The following SRSF2 variants were observed in gnomAD, a reference collection of about 807,000 sequenced individuals.
SRSF2 encodes the protein serine/arginine-rich splicing factor 2.
A neutral mutation model predicts 15.7 loss-of-function variants in SRSF2; 4 were observed. That is an observed-to-expected ratio of 0.26 (90% confidence interval 0.13 to 0.58). SRSF2 has a LOEUF of 0.58. Ranked by LOEUF, SRSF2 falls within the 20% of genes least tolerant of loss-of-function variation. The pLI, the probability that SRSF2 is intolerant of heterozygous loss-of-function variation, is 0.90. For missense variants in SRSF2, 147 were observed against 332.4 expected, an observed-to-expected ratio of 0.44 and a Z score of 4.34; for synonymous variants, 192 against 138.9, an observed-to-expected ratio of 1.38 and a Z score of -2.69.
In SRSF2 at chr17:76,734,421, C is replaced by CT. The variant is rs1223696389; in HGVS notation, c.*744dup. On this transcript the variant is annotated 3_prime_UTR_variant, in exon 3 of 3. Transcript: ENST00000359995. ...TGCAGTTGTCAGGCATTTTAATAAA[C>CT]TGGACAGCCATTTGTTTCTGCACGA... 1 of 243,176 alleles carries CT rather than the reference C, an allele frequency of 4.1e-6. No homozygotes were observed. Among genetic ancestry groups the CT allele is most frequent in the African/African-American group, 2.2e-5 (1 of 45,076 alleles). The allele number at this position is 243,176 out of a possible 1,614,324, so 15.1% of individuals were successfully genotyped here.
Position 76,736,416 on chromosome 17 carries a change from C to T in SRSF2, c.411G>A (p.Arg137=). 6.2e-7 allele frequency: 1 copy of T among 1,613,822 alleles called. No homozygotes were observed. Among genetic ancestry groups the T allele is most frequent in the Non-Finnish European group, 8.5e-7 (1 of 1,179,992 alleles). Residue 137 remains arginine, a synonymous_variant, in exon 2 of 3, where the codon AGG becomes AGA. Coordinates refer to ENST00000359995, the MANE Select transcript of SRSF2 (RefSeq NM_001195427.2). ...RSRSRSRSRS[R]SRSRSRYSRS... is the part of the protein sequence containing the mutation. ...GGCTGTAGCGAGATCGGCTGCGAGA[C>T]CTGGAACGACTCCGACTCCGGGATC...
chr17:76,736,751 T>G, intron 1 of SRSF2, 48 bp downstream of exon 1: 1 of 1,393,594 alleles, frequency 7.2e-7, no homozygotes, highest in East Asian at 2.8e-5. Flanking sequence ...CGCCCGGGCC[T>G]CCCGCGCGCC....
chr17:76,737,342 C>T (rs906726901), upstream of SRSF2: 8 of 757,322 alleles, frequency 1.1e-5, no homozygotes, highest in East Asian at 5.7e-5. Context: ...GGGCGGGCAG[C>T]CGGCCTCTGC....
chr17:76,735,905 T>C, intron 2 of SRSF2: 1 of 596,122 alleles, frequency 1.7e-6, no homozygotes, highest in Non-Finnish European at 3.0e-6. Flanking sequence ...AGACGTTGGA[T>C]AAAAACAGCA....
In SRSF2 at chr17:76,737,266, T is replaced by G; in HGVS notation, c.-106A>C. On this transcript the variant is annotated 5_prime_UTR_variant, in exon 1 of 3. Transcript: ENST00000359995. The stretch of plus-strand genomic sequence containing the variant: ...GCAGTTGCCTTCCGCGTGGGGACAC[T>G]GGGAAAGGCCTTGCCGCAGAACAGC... 7.1e-7 allele frequency: 1 copy of G among 1,410,662 alleles called. No homozygotes were observed. 87.4% of individuals were successfully genotyped at this position (1,410,662 alleles called of 1,614,324 possible).
chr17:76,736,999 G>T lies in SRSF2; in HGVS notation c.162C>A (p.Ser54=), dbSNP rs773650940. 1 of 1,613,484 alleles carries T rather than the reference G, an allele frequency of 6.2e-7. No individual in the cohort carries two copies. Among genetic ancestry groups the T allele is most frequent in the Non-Finnish European group, 8.5e-7 (1 of 1,179,912 alleles). Residue 54 remains serine, a synonymous_variant, in exon 1 of 3, where the codon TCC becomes TCA. Coordinates refer to ENST00000359995, the MANE Select transcript of SRSF2 (RefSeq NM_001195427.2). ...YIPRDRYTKE[S]RGFAFVRFHD... is the part of the protein sequence containing the mutation. Reference sequence around the variant, plus strand: ...GAAAGCGAACGAAGGCGAAGCCGCGGGACTCCTTGGTGTAGCGGTCCCGCG... The same window carrying T: ...GAAAGCGAACGAAGGCGAAGCCGCGTGACTCCTTGGTGTAGCGGTCCCGCG...
At position 76,736,337 on chromosome 17, in the gene SRSF2, T is replaced by C. The variant is rs2077466012; in HGVS notation, c.490A>G (p.Arg164Gly). ...TTGGACTTGGACCTTCGTGCGGATC[T>C]GGACTTGGAGGTCGACCGAGATCGA... ...RSRSRSTSKS[R>G]SARRSKSKSS... The change falls in exon 2 of 3, where the codon AGA (arginine) becomes GGA (glycine). Residue 164 changes from arginine to glycine, a missense_variant. Arg to Gly is a moderately radical substitution (Grantham distance 125). This residue lies in a region of SRSF2 where 125 missense variants were observed against 185.1 expected (regional missense o/e 0.68). Coordinates refer to ENST00000359995, the MANE Select transcript of SRSF2 (RefSeq NM_001195427.2). The C allele has an allele frequency of 1.2e-6, 2 of 1,613,928 alleles. No homozygotes were observed. Among genetic ancestry groups the C allele is most frequent in the African/African-American group, 2.7e-5 (2 of 74,904 alleles).
At chr17:76,735,218 T>G (rs911043239) in intron 2 of SRSF2, 60 bp from the exon 3 acceptor site, 3 of 218,352 alleles carry the variant, frequency 1.4e-5, no homozygotes, top group Non-Finnish European at 2.8e-5. Context: ...TGGTTTCAGT[T>G]TCAGGCACGT....
upstream of SRSF2, chr17:76,737,356 C>A: frequency 1.5e-6 from 1 of 648,568 alleles, no homozygotes; most frequent in African/African-American, 1.8e-5. Context: ...CCTCTGCGCC[C>A]GTTTATATCG....
At chr17:76,737,337 GGCA>G (rs1237803869), upstream of SRSF2, 2 of 824,462 alleles carry the variant, frequency 2.4e-6, no homozygotes, top group Non-Finnish European at 3.6e-6. Flanking sequence ...CAACTGGGCG[GGCA>G]GCCGGCCTCT....
chr17:76,735,661 TG>T (rs930461286), intron 2 of SRSF2: 5 of 256,308 alleles, frequency 2.0e-5, no homozygotes, highest in Non-Finnish European at 3.9e-5. Context: ...TGCTTCTTAT[TG>T]CAATTCTTTT....
chr17:76,736,682 G>C lies in SRSF2; in HGVS notation c.362+117C>G. On this transcript the variant is annotated intron_variant, in intron 1 of 2. Coordinates refer to ENST00000359995, the MANE Select transcript of SRSF2 (RefSeq NM_001195427.2). ...TGGCCGGAGGGTCGCGAGACGCGGC[G>C]TGCACCCCCGCCCCGTCCGGGCCCG... 3.2e-6 allele frequency: 4 copies of C among 1,249,572 alleles called. No individual in the cohort carries two copies. The South Asian group carries it at 8.8e-5, about 27-fold the overall frequency. 77.4% of individuals were successfully genotyped at this position (1,249,572 alleles called of 1,614,324 possible). A position where few individuals can be genotyped will look rare whatever the true frequency, so the allele number is the denominator to read the frequency against.
chr17:76,734,167 T>C lies in SRSF2; in HGVS notation c.*999A>G, dbSNP rs1479464186. ...TGTTTTAATTAAACTACAGAAACAATGGTTATAATACAGAATATTCATAAG... is the reference window on the plus strand; with the variant it reads ...TGTTTTAATTAAACTACAGAAACAACGGTTATAATACAGAATATTCATAAG... On this transcript the variant is annotated 3_prime_UTR_variant, in exon 3 of 3. Transcript: ENST00000359995. 1 of 212,794 alleles carries C rather than the reference T, an allele frequency of 4.7e-6. No individual in the cohort carries two copies. Among genetic ancestry groups the C allele is most frequent in the African/African-American group, 2.3e-5 (1 of 44,176 alleles). 13.2% of individuals were successfully genotyped at this position (212,794 alleles called of 1,614,324 possible).
rs2077463719 is a variant in SRSF2, at chr17:76,736,299, G to A, written c.528C>T (p.Val176=). The change falls in exon 2 of 3, where the codon GTC becomes GTT. Residue 176 remains valine (V), a synonymous_variant. Coordinates refer to ENST00000359995, the MANE Select transcript of SRSF2 (RefSeq NM_001195427.2). ...ARRSKSKSSS[V]SRSRSRSRSR... The stretch of plus-strand genomic sequence containing the variant: ...ACCTGGACCGCGAACGAGATCTGGA[G>A]ACCGACGAGGACTTGGACTTGGACC... 2.5e-6 allele frequency: 4 copies of A among 1,614,046 alleles called. No individual in the cohort carries two copies. Among genetic ancestry groups the A allele is most frequent in the Admixed American group, 1.7e-5 (1 of 60,008 alleles).
chr17:76,737,229 C>T lies in SRSF2; in HGVS notation c.-69G>A. 1.4e-6 allele frequency: 2 copies of T among 1,464,718 alleles called. No homozygotes were observed. The highest frequency in any genetic ancestry group is 1.8e-6 in the Non-Finnish European group (2 of 1,102,446). The allele number at this position is 1,464,718 out of a possible 1,614,324, so 90.7% of individuals were successfully genotyped here. A position where few individuals can be genotyped will look rare whatever the true frequency, so the allele number is the denominator to read the frequency against. ...TCCTCAGCTCTGGGCGGTGCGACGCCGCGCCTCTCAGGCAGTTGCCTTCCG... is the reference window on the plus strand; with the variant it reads ...TCCTCAGCTCTGGGCGGTGCGACGCTGCGCCTCTCAGGCAGTTGCCTTCCG... On this transcript the variant is annotated 5_prime_UTR_variant, in exon 1 of 3. Transcript: ENST00000359995.
Position 76,736,484 on chromosome 17 carries a change from G to GC in SRSF2, c.363-21dup. 2 of 1,606,528 alleles carry GC rather than the reference G, an allele frequency of 1.2e-6. No individual in the cohort carries two copies. The highest frequency in any genetic ancestry group is 2.2e-5 in the South Asian group (2 of 91,020). ...CTAGGGCTGCGGGCGGGACGAGCAA[G>GC]CACAGCGGGGTTAATTCCAGGCAGC... is the stretch of plus-strand genomic sequence containing the variant. On this transcript the variant is annotated intron_variant, in intron 1 of 2. Transcript: ENST00000359995.
At chr17:76,736,626 C>T (rs1045340694) in intron 1 of SRSF2, 162 bp from the exon 2 acceptor site, 2 of 1,154,268 alleles carry the variant, frequency 1.7e-6, no homozygotes, top group African/African-American at 1.6e-5. Context: ...CCCGGCCACT[C>T]CCGGGTCGCA....
rs1325271267 is a variant in SRSF2 at position 76,734,218 on chromosome 17, ACT to A, written c.*946_*947del. 5 of 222,074 alleles carry A rather than the reference ACT, an allele frequency of 2.3e-5. No individual in the cohort carries two copies. Among genetic ancestry groups the A allele is most frequent in the African/African-American group, 9.0e-5 (4 of 44,680 alleles). 13.8% of individuals were successfully genotyped at this position (222,074 alleles called of 1,614,324 possible). A position where few individuals can be genotyped will look rare whatever the true frequency, so the allele number is the denominator to read the frequency against. ...CAAAAAGATACACCATGTTATAAGT[ACT>A]TACAAAGTTACAACCATTTGCTTCC... On this transcript the variant is annotated 3_prime_UTR_variant, in exon 3 of 3. Coordinates refer to ENST00000359995, the MANE Select transcript of SRSF2 (RefSeq NM_001195427.2).
chr17:76,737,303 C>G lies in SRSF2; in HGVS notation c.-143G>C, dbSNP rs577138635. The G allele has an allele frequency of 1.3e-5, 15 of 1,199,006 alleles. No individual in the cohort carries two copies. Among genetic ancestry groups the G allele is most frequent in the East Asian group, 2.6e-5 (1 of 38,324 alleles). The allele number at this position is 1,199,006 out of a possible 1,614,324, so 74.3% of individuals were successfully genotyped here. A position where few individuals can be genotyped will look rare whatever the true frequency, so the allele number is the denominator to read the frequency against. On this transcript the variant is annotated 5_prime_UTR_variant, in exon 1 of 3. Transcript: ENST00000359995. ...TGCCGCAGAACAGCACGGACGGGCT[C>G]CGCAGGCTAGCGCACCTGAGTAACA...
Sources: allele counts gnomAD v4.1 joint callset, GRCh38; gene constraint gnomAD v4.1.1; regional missense constraint gnomAD v4.1.1; transcripts MANE v1.5; gene names NCBI Gene and HGNC (gene_info 2026-07-23, HGNC 2026-07-21).